The following LRRC4C variants were observed in gnomAD, a reference collection of about 807,000 sequenced individuals.
LRRC4C encodes the protein leucine-rich repeat-containing protein 4C.
Under a neutral mutation model 33.6 loss-of-function variants are expected in LRRC4C, and 5 were observed. The observed-to-expected ratio is 0.15, with a 90% CI of 0.08 to 0.31. The LOEUF is 0.31. Among genes scored for constraint, LRRC4C ranks in the 10% least tolerant of loss-of-function variants. The pLI is 1.00. For synonymous variants in LRRC4C, 329 were observed against 302.0 expected (o/e 1.09, Z -0.93); for missense variants, 560 against 796.7 (o/e 0.70, Z 3.58).
chr11:40,979,037 G>A (rs1852306153), intron 1 of LRRC4C, among the ~76,000 whole-genome samples: 3 of 151,862 alleles, frequency 2.0e-5, no homozygotes, highest in African/African-American at 2.4e-5. Context: ...CTTCTTTCTA[G>A]GATAATCTGT....
At chr11:41,187,778 C>T (rs1385070807) in intron 1 of LRRC4C, among the ~76,000 whole-genome samples, 4 of 152,194 alleles carry the variant, frequency 2.6e-5, no homozygotes, top group African/African-American at 2.4e-5. Flanking sequence ...CACCCCTAGA[C>T]GCTGCCGTGG....
At chr11:40,166,881 A>C (rs913069782) in intron 5 of LRRC4C, among the ~76,000 whole-genome samples, 4 of 152,160 alleles carry the variant, frequency 2.6e-5, no homozygotes, top group Non-Finnish European at 4.4e-5. Context: ...TAGAGATGTA[A>C]CATGTACATT....
At chr11:41,162,806 C>G (rs946811910) in intron 1 of LRRC4C, among the ~76,000 whole-genome samples, 3 of 152,152 alleles carry the variant, frequency 2.0e-5, no homozygotes, top group Admixed American at 6.6e-5. Context: ...AGGCCTGGAA[C>G]ATTATTGTAC....
chr11:40,675,125 A>G (rs1282886946), intron 2 of LRRC4C, among the ~76,000 whole-genome samples: 1 of 152,180 alleles, frequency 6.6e-6, no homozygotes, highest in African/African-American at 2.4e-5. Context: ...CATTTAATGA[A>G]GCATGAATTT....
intron 1 of LRRC4C, among the ~76,000 whole-genome samples, chr11:41,296,234 C>T (rs1206002188): frequency 6.6e-6 from 1 of 152,150 alleles, no homozygotes; most frequent in South Asian, 2.1e-4. Context: ...CCTGCTTTCA[C>T]AAGAAATCCT....
intron 1 of LRRC4C, among the ~76,000 whole-genome samples, chr11:41,293,921 T>A (rs1280344310): frequency 6.6e-6 from 1 of 152,074 alleles, no homozygotes; most frequent in African/African-American, 2.4e-5. Context: ...CAGCAATATA[T>A]GCATGCTGAT....
intron 1 of LRRC4C, among the ~76,000 whole-genome samples, chr11:41,001,947 CAT>C (rs1854413917): frequency 6.6e-6 from 1 of 151,470 alleles, no homozygotes; most frequent in Admixed American, 6.6e-5. Context: ...CTTTACTAAA[CAT>C]GTGGTTACAT....
chr11:40,194,630 G>A (rs2135658400), intron 5 of LRRC4C, among the ~76,000 whole-genome samples: 1 of 151,742 alleles, frequency 6.6e-6, no homozygotes, highest in Admixed American at 6.6e-5. Context: ...GGGGGTGGGG[G>A]GCAAAGGGAG....
At chr11:41,258,280 T>C (rs1281512802) in intron 1 of LRRC4C, among the ~76,000 whole-genome samples, 4 of 152,016 alleles carry the variant, frequency 2.6e-5, no homozygotes, top group South Asian at 4.1e-4. Context: ...AGTTATGGCA[T>C]TGAGTGTTAG....
At chr11:40,701,859 T>C (rs939759567) in intron 2 of LRRC4C, among the ~76,000 whole-genome samples, 9 of 151,828 alleles carry the variant, frequency 5.9e-5, no homozygotes, top group Admixed American at 2.0e-4. Flanking sequence ...AAAATGTTTC[T>C]AGTTTATCTC....
At chr11:40,533,387 T>C (rs1423773469) in intron 3 of LRRC4C, among the ~76,000 whole-genome samples, 1 of 152,122 alleles carries the variant, frequency 6.6e-6, no homozygotes, top group African/African-American at 2.4e-5. Flanking sequence ...CTAATTCATG[T>C]GGGTCTTTTG....
intron 3 of LRRC4C, among the ~76,000 whole-genome samples, chr11:40,586,354 A>C (rs1958743182): frequency 6.8e-6 from 1 of 147,126 alleles, no homozygotes; most frequent in African/African-American, 2.6e-5. Flanking sequence ...GTTTGAGTTC[A>C]TTGTAGATTC....
chr11:40,698,844 G>A (rs904574258), intron 2 of LRRC4C, among the ~76,000 whole-genome samples: 12 of 152,188 alleles, frequency 7.9e-5, no homozygotes, highest in Admixed American at 2.6e-4. Context: ...TTATAAAACC[G>A]TCAGGTCTCT....
At chr11:40,540,715 T>C (rs770919002) in intron 3 of LRRC4C, among the ~76,000 whole-genome samples, 2 of 152,148 alleles carry the variant, frequency 1.3e-5, no homozygotes, top group African/African-American at 2.4e-5. Flanking sequence ...GTACCCCACA[T>C]TTGAGCTTCT....
intron 3 of LRRC4C, among the ~76,000 whole-genome samples, chr11:40,541,567 T>C (rs1286957992): frequency 1.3e-5 from 2 of 152,180 alleles, no homozygotes; most frequent in African/African-American, 2.4e-5. Flanking sequence ...GGAACAGTCC[T>C]TCTCCATCAC....
intron 2 of LRRC4C, among the ~76,000 whole-genome samples, chr11:40,790,058 A>G (rs754500084): frequency 6.6e-5 from 10 of 152,240 alleles, no homozygotes; most frequent in Admixed American, 2.6e-4. Context: ...ATTAGAAAAC[A>G]TAAGGAATTA....
rs563614860 is a variant in LRRC4C at position 40,511,203 on chromosome 11, A to G, written c.-270+136939T>C. 2.0e-5 allele frequency among the ~76,000 whole-genome samples: 3 copies of G among 152,308 alleles called. No homozygotes were observed. In the South Asian group the frequency reaches 6.2e-4, roughly 32 times the overall value. ...TAATTTGATACACAGAAAGCCCACA[A>G]TGGTTTTAAAGAAATTATATGAGCT... On this transcript the variant is annotated intron_variant, in intron 3 of 6. Coordinates refer to ENST00000528697, the MANE Select transcript of LRRC4C (RefSeq NM_001258419.2).
intron 3 of LRRC4C, among the ~76,000 whole-genome samples, chr11:40,396,730 G>A (rs2137504355): frequency 6.6e-6 from 1 of 152,072 alleles, no homozygotes; most frequent in Admixed American, 6.6e-5. Context: ...TTTTAAAAAA[G>A]GTCCAACATA....
intron 1 of LRRC4C, among the ~76,000 whole-genome samples, chr11:41,055,346 G>A (rs1040720049): frequency 2.0e-5 from 3 of 151,962 alleles, no homozygotes; most frequent in Non-Finnish European, 4.4e-5. Context: ...TTTCCAGCTT[G>A]GGGCATTTAC....
Sources: gnomAD v4.1 joint callset for allele counts (sites outside exome capture counted in the v4.1 genomes callset) on GRCh38, gnomAD v4.1.1 for gene constraint, MANE v1.5 for transcripts, NCBI Gene and HGNC (gene_info 2026-07-23, HGNC 2026-07-21) for gene names.